The following TSPO2 variants were observed in gnomAD, a reference collection of about 807,000 sequenced individuals.
TSPO2 encodes the protein benzodiazapine receptor (peripheral)-like 1.
Under a neutral mutation model 13.3 loss-of-function variants are expected in TSPO2, and 15 were observed. The ratio of observed to expected loss-of-function variants is 1.13; its 90% confidence interval spans 0.75 to 1.73. The LOEUF is 1.73. Ranked by LOEUF, TSPO2 falls within the 40% of genes most tolerant of loss-of-function variation. The probability of loss-of-function intolerance (pLI) is 0.00; values close to 1 mark genes in which losing one functional copy is unlikely to be tolerated. For synonymous variants in TSPO2, 81 were observed against 91.6 expected (o/e 0.88, Z 0.66); for missense variants, 202 against 198.3 (o/e 1.02, Z -0.11).
rs1373614366 is a variant in TSPO2, at chr6:41,043,690, C to G, written c.307C>G (p.Pro103Ala). The G allele has an allele frequency of 6.2e-7, 1 of 1,602,140 alleles. No homozygotes were observed. Among genetic ancestry groups the G allele is most frequent in the Non-Finnish European group, 8.5e-7 (1 of 1,173,550 alleles). ...VLVLFFTVHN[P>A]GLALLHLLLL... ...GGTTCTCTTTTTCACAGTCCACAAC[C>G]CTGGTCTGGTAAGGCACACAGTGCT... Residue 103 changes from proline (P) to alanine (A), a missense_variant, in exon 3 of 4, where the codon CCT becomes GCT. Transcript: ENST00000373161.
In TSPO2 at chr6:41,042,634, C is replaced by A. The variant is rs1561833019; in HGVS notation, c.-165C>A. On this transcript the variant is annotated 5_prime_UTR_variant, in exon 1 of 4. Coordinates refer to ENST00000373161, the MANE Select transcript of TSPO2 (RefSeq NM_001010873.3). The stretch of plus-strand genomic sequence containing the variant: ...CTGCCCACTGCAGAAAAGCTCATCA[C>A]CCGGGACCTGATCTCCAGGACTCAG... The A allele has an allele frequency of 2.0e-6, 1 of 490,118 alleles. No individual in the cohort carries two copies. Among genetic ancestry groups the A allele is most frequent in the Non-Finnish European group, 4.0e-6 (1 of 249,882 alleles). The allele number at this position is 490,118 out of a possible 1,614,324, so 30.4% of individuals were successfully genotyped here.
Position 41,043,705 on chromosome 6 carries a change from C to T in TSPO2, c.315+7C>T, listed in dbSNP as rs1356329248. On this transcript the variant is annotated splice_region_variant and intron_variant, in intron 3 of 3. Coordinates refer to ENST00000373161, the MANE Select transcript of TSPO2 (RefSeq NM_001010873.3). ...AGTCCACAACCCTGGTCTGGTAAGG[C>T]ACACAGTGCTCAGTAGCAGAAGTAA... 1.9e-6 allele frequency: 3 copies of T among 1,591,288 alleles called. No individual in the cohort carries two copies. The highest frequency in any genetic ancestry group is 2.6e-6 in the Non-Finnish European group (3 of 1,167,864).
chr6:41,042,051 T>A (rs1762596008), upstream of TSPO2, among the ~76,000 whole-genome samples: 1 of 152,046 alleles, frequency 6.6e-6, no homozygotes, highest in Non-Finnish European at 1.5e-5. Context: ...TTTCTCTCCT[T>A]CAAATCTGGT....
chr6:41,044,221 A>C lies in TSPO2; in HGVS notation c.*84A>C, dbSNP rs1762642767. ...GGGCTGTGGAGTTAGGGTTCACCCCAATGGGACCACCCTCCTGGGTCCCCT... is the reference window on the plus strand; with the variant it reads ...GGGCTGTGGAGTTAGGGTTCACCCCCATGGGACCACCCTCCTGGGTCCCCT... On this transcript the variant is annotated 3_prime_UTR_variant, in exon 4 of 4. Coordinates refer to ENST00000373161, the MANE Select transcript of TSPO2 (RefSeq NM_001010873.3). 6.9e-7 allele frequency: 1 copy of C among 1,446,444 alleles called. No homozygotes were observed. The highest frequency in any genetic ancestry group is 1.8e-5 in the Admixed American group (1 of 55,352). The allele number at this position is 1,446,444 out of a possible 1,614,324, so 89.6% of individuals were successfully genotyped here.
chr6:41,043,193 C>G (rs753689509), intron 2 of TSPO2, 35 bp downstream of exon 2: 43 of 1,581,632 alleles, frequency 2.7e-5, no homozygotes, highest in Non-Finnish European at 3.5e-5. Flanking sequence ...GCCCTGGTAC[C>G]CAATGGGGTG....
At chr6:41,043,310 C>T (rs1762620686) in intron 2 of TSPO2, 152 bp downstream of exon 2, 1 of 1,069,402 alleles carries the variant, frequency 9.4e-7, no homozygotes, top group Non-Finnish European at 1.3e-6. Context: ...AGTAAGAAAC[C>T]CTCTATGCCT....
chr6:41,042,748 A>G lies in TSPO2; in HGVS notation c.-51A>G. On this transcript the variant is annotated 5_prime_UTR_variant, in exon 1 of 4. Transcript: ENST00000373161. ...GTGCCAGAGGAGTGCTGTGGAGAAA[A>G]GAAGTCCATGGAAGCCAGGAGATGG... is the stretch of plus-strand genomic sequence containing the variant. 1 of 677,708 alleles carries G rather than the reference A, an allele frequency of 1.5e-6. No homozygotes were observed. The highest frequency in any genetic ancestry group is 2.7e-6 in the Non-Finnish European group (1 of 369,394). 42.0% of individuals were successfully genotyped at this position (677,708 alleles called of 1,614,324 possible).
upstream of TSPO2, among the ~76,000 whole-genome samples, chr6:41,041,602 T>C (rs761778718): frequency 2.7e-5 from 4 of 150,414 alleles, no homozygotes; most frequent in African/African-American, 7.4e-5. Context: ...GAAAGACAAG[T>C]AGAAATATGC....
Position 41,042,597 on chromosome 6 carries a change from C to A in TSPO2, c.-202C>A. ...GTTCTCGGTGAGGGCCAGCTACATACCTGGCTAAGCGCTGCCCACTGCAGA... is the reference window on the plus strand; with the variant it reads ...GTTCTCGGTGAGGGCCAGCTACATAACTGGCTAAGCGCTGCCCACTGCAGA... On this transcript the variant is annotated 5_prime_UTR_variant, in exon 1 of 4. Coordinates refer to ENST00000373161, the MANE Select transcript of TSPO2 (RefSeq NM_001010873.3). The A allele has an allele frequency of 4.7e-6, 2 of 421,100 alleles. No homozygotes were observed. Among genetic ancestry groups the A allele is most frequent in the Non-Finnish European group, 9.4e-6 (2 of 211,770 alleles). 26.1% of individuals were successfully genotyped at this position (421,100 alleles called of 1,614,324 possible).
At position 41,043,724 on chromosome 6, in the gene TSPO2, G is replaced by A. The variant is rs368397811; in HGVS notation, c.315+26G>A. 23 of 1,575,570 alleles carry A rather than the reference G, an allele frequency of 1.5e-5. No homozygotes were observed. The African/African-American group carries it at 2.6e-4, about 18-fold the overall frequency. ...GTAAGGCACACAGTGCTCAGTAGCA[G>A]AAGTAATGTGGGAGAGGGTGAAACC... On this transcript the variant is annotated intron_variant, in intron 3 of 3. Transcript: ENST00000373161.
Position 41,043,541 on chromosome 6 carries a change from C to A in TSPO2, c.174-16C>A. Reference sequence around the variant, plus strand: ...ACCTCCTCCCACTGAATGTTTTTGCCACCATGTCTCCACAGCTATGCCTCC... The same window carrying A: ...ACCTCCTCCCACTGAATGTTTTTGCAACCATGTCTCCACAGCTATGCCTCC... On this transcript the variant is annotated splice_polypyrimidine_tract_variant and intron_variant, in intron 2 of 3. Transcript: ENST00000373161. 1 of 1,555,290 alleles carries A rather than the reference C, an allele frequency of 6.4e-7. No individual in the cohort carries two copies. Among genetic ancestry groups the A allele is most frequent in the Non-Finnish European group, 8.7e-7 (1 of 1,151,312 alleles).
chr6:41,043,296 A>AGAAAGTAAGAAACCCTCTAT (rs1762620376), intron 2 of TSPO2, 138 bp downstream of exon 2: 3 of 1,133,790 alleles, frequency 2.6e-6, no homozygotes, highest in Non-Finnish European at 3.7e-6. Flanking sequence ...TGGGTCCTCC[A>AGAAAGTAAGAAACCCTCTAT]GAAAGTAAGA....
chr6:41,041,437 G>A (rs1043395394), upstream of TSPO2, among the ~76,000 whole-genome samples: 18 of 152,354 alleles, frequency 1.2e-4, no homozygotes, highest in African/African-American at 4.3e-4. Flanking sequence ...GGTAAGGGGA[G>A]CACAGGCCTA....
rs761859918 is a variant in TSPO2, at chr6:41,043,721, G to GCAGAA, written c.315+24_315+28dup. 7 of 1,578,120 alleles carry GCAGAA rather than the reference G, an allele frequency of 4.4e-6. No homozygotes were observed. The Admixed American group carries it at 1.2e-4, about 28-fold the overall frequency. On this transcript the variant is annotated intron_variant, in intron 3 of 3. Coordinates refer to ENST00000373161, the MANE Select transcript of TSPO2 (RefSeq NM_001010873.3). The stretch of plus-strand genomic sequence containing the variant: ...CTGGTAAGGCACACAGTGCTCAGTA[G>GCAGAA]CAGAAGTAATGTGGGAGAGGGTGAA...
chr6:41,042,590 C>A lies in TSPO2; in HGVS notation c.-209C>A. 1 of 414,506 alleles carries A rather than the reference C, an allele frequency of 2.4e-6. No individual in the cohort carries two copies. The highest frequency in any genetic ancestry group is 1.8e-5 in the South Asian group (1 of 55,520). The allele number at this position is 414,506 out of a possible 1,614,324, so 25.7% of individuals were successfully genotyped here. ...TAGAACAGTTCTCGGTGAGGGCCAG[C>A]TACATACCTGGCTAAGCGCTGCCCA... On this transcript the variant is annotated 5_prime_UTR_variant, in exon 1 of 4. Coordinates refer to ENST00000373161, the MANE Select transcript of TSPO2 (RefSeq NM_001010873.3).
intron 3 of TSPO2, 21 bp downstream of exon 3, chr6:41,043,719 T>C (rs757158985): frequency 2.7e-5 from 42 of 1,578,796 alleles, no homozygotes; most frequent in Admixed American, 1.8e-4. Context: ...CAGTGCTCAG[T>C]AGCAGAAGTA....
chr6:41,043,607 C>A lies in TSPO2; in HGVS notation c.224C>A (p.Pro75His). The change falls in exon 3 of 4, where the codon CCC becomes CAC. Residue 75 changes from proline to histidine, a missense_variant. Transcript: ENST00000373161. ...WKDLGGGLGWPLALPLGLYAV... is the reference protein window; with the variant it reads ...WKDLGGGLGWHLALPLGLYAV... ...GACCTGGGAGGGGGCTTGGGGTGGC[C>A]CCTGGCCCTGCCTCTTGGCCTCTAT... is the stretch of plus-strand genomic sequence containing the variant. 1.2e-6 allele frequency: 2 copies of A among 1,612,974 alleles called. No homozygotes were observed. Among genetic ancestry groups the A allele is most frequent in the Non-Finnish European group, 1.7e-6 (2 of 1,179,346 alleles).
At position 41,044,206 on chromosome 6, in the gene TSPO2, G is replaced by C; in HGVS notation, c.*69G>C. 1 of 1,558,220 alleles carries C rather than the reference G, an allele frequency of 6.4e-7. No homozygotes were observed. The highest frequency in any genetic ancestry group is 8.8e-7 in the Non-Finnish European group (1 of 1,136,066). Reference sequence around the variant, plus strand: ...AAGAGTCTGCAAGCAGGGCTGTGGAGTTAGGGTTCACCCCAATGGGACCAC... The same window carrying C: ...AAGAGTCTGCAAGCAGGGCTGTGGACTTAGGGTTCACCCCAATGGGACCAC... On this transcript the variant is annotated 3_prime_UTR_variant, in exon 4 of 4. Transcript: ENST00000373161.
chr6:41,043,869 G>A (rs1762632938), intron 3 of TSPO2, 71 bp from the exon 4 acceptor site: 2 of 1,564,820 alleles, frequency 1.3e-6, no homozygotes, highest in Admixed American at 1.8e-5. Flanking sequence ...CTCGTTGCTG[G>A]GCTGGGTACT....
Sources: allele counts gnomAD v4.1 joint callset (sites outside exome capture counted in the v4.1 genomes callset), GRCh38; gene constraint gnomAD v4.1.1; transcripts MANE v1.5; gene names NCBI Gene and HGNC (gene_info 2026-07-23, HGNC 2026-07-21).